The following LRIG1 variants were observed in gnomAD, a reference collection of about 807,000 sequenced individuals.
LRIG1 encodes leucine rich repeats and immunoglobulin like domains 1.
A neutral mutation model predicts 99.2 loss-of-function variants in LRIG1; 48 were observed. The observed-to-expected ratio is 0.48, with a 90% confidence interval of 0.38 to 0.62. LRIG1 has a LOEUF of 0.62. Among genes scored for constraint, LRIG1 ranks in the 20% least tolerant of loss-of-function variants. LRIG1 has a pLI of 0.00. For missense variants in LRIG1, 1,646 were observed against 1,434.4 expected (o/e 1.15, Z -2.38); for synonymous variants, 772 against 596.1 (o/e 1.29, Z -4.30).
At chr3:66,420,385 C>G (rs1226647560) in intron 3 of LRIG1, among the ~76,000 whole-genome samples, 1 of 152,122 alleles carries the variant, frequency 6.6e-6, no homozygotes, top group Non-Finnish European at 1.5e-5. Context: ...CGGTGGTGCA[C>G]CTGCAGAAGA....
At chr3:66,494,901 T>C (rs912780671) in intron 1 of LRIG1, among the ~76,000 whole-genome samples, 5 of 152,248 alleles carry the variant, frequency 3.3e-5, no homozygotes, top group African/African-American at 9.6e-5. Context: ...ATTGGACAAT[T>C]AATTGGTCAG....
chr3:66,408,248 T>G (rs1038706280), intron 7 of LRIG1, among the ~76,000 whole-genome samples: 3 of 152,192 alleles, frequency 2.0e-5, no homozygotes, highest in African/African-American at 7.2e-5. Flanking sequence ...ATTAATGAGC[T>G]TTTAAAGGCA....
At chr3:66,444,401 T>C (rs1381410182) in intron 3 of LRIG1, among the ~76,000 whole-genome samples, 1 of 152,186 alleles carries the variant, frequency 6.6e-6, no homozygotes, top group African/African-American at 2.4e-5. Flanking sequence ...TCAGAAGCCA[T>C]TACCAGGGCC....
At chr3:66,488,453 CCT>C (rs1273962312) in intron 1 of LRIG1, among the ~76,000 whole-genome samples, 2 of 148,754 alleles carry the variant, frequency 1.3e-5, no homozygotes, top group South Asian at 4.3e-4. Context: ...ATGGTAAAAC[CCT>C]GTCTCTACTA....
At chr3:66,480,139 AT>A (rs1193782722) in intron 1 of LRIG1, among the ~76,000 whole-genome samples, 1 of 152,242 alleles carries the variant, frequency 6.6e-6, no homozygotes, top group African/African-American at 2.4e-5. Flanking sequence ...ATAAAAATTA[AT>A]GAAGTACTGA....
intron 3 of LRIG1, among the ~76,000 whole-genome samples, chr3:66,433,253 A>C (rs1288217463): frequency 6.6e-6 from 1 of 152,200 alleles, no homozygotes; most frequent in Non-Finnish European, 1.5e-5. Context: ...CCAGCTAACC[A>C]AGATGCAAGC....
At chr3:66,404,328 G>A in intron 9 of LRIG1, 1 of 1,287,718 alleles carries the variant, frequency 7.8e-7, no homozygotes, top group Non-Finnish European at 1.0e-6. Flanking sequence ...CTGGGGACGG[G>A]CTGGGGGAAT....
chr3:66,451,689 T>C, intron 2 of LRIG1, 56 bp from the exon 3 acceptor site: 1 of 1,288,722 alleles, frequency 7.8e-7, no homozygotes, highest in Non-Finnish European at 1.1e-6. Context: ...TCTGAAATCA[T>C]ACACATACAA....
At chr3:66,486,780 ACT>A (rs1700984688) in intron 1 of LRIG1, among the ~76,000 whole-genome samples, 2 of 152,056 alleles carry the variant, frequency 1.3e-5, no homozygotes, top group African/African-American at 2.4e-5. Flanking sequence ...AGTATTTTAA[ACT>A]CTGACTAGAA....
chr3:66,411,365 A>G (rs148610339), intron 6 of LRIG1, among the ~76,000 whole-genome samples: 33 of 152,312 alleles, frequency 2.2e-4, no homozygotes, highest in African/African-American at 6.0e-4. Context: ...ATCAGTCTCA[A>G]TTTATACAAA....
At chr3:66,432,514 T>C (rs1703206336) in intron 3 of LRIG1, among the ~76,000 whole-genome samples, 1 of 152,188 alleles carries the variant, frequency 6.6e-6, no homozygotes, top group Non-Finnish European at 1.5e-5. Context: ...GGCTTCGCTC[T>C]TAACATCTTC....
chr3:66,467,516 C>T (rs548202124), intron 1 of LRIG1, among the ~76,000 whole-genome samples: 2 of 152,260 alleles, frequency 1.3e-5, no homozygotes, highest in African/African-American at 4.8e-5. Context: ...CCTGCCACCA[C>T]GCCCAGCTAA....
intron 1 of LRIG1, among the ~76,000 whole-genome samples, chr3:66,489,222 A>T (rs1387569205): frequency 6.6e-6 from 1 of 152,100 alleles, no homozygotes; most frequent in Non-Finnish European, 1.5e-5. Flanking sequence ...TGAGAATTTC[A>T]CTCAGAAGTA....
chr3:66,445,100 C>G (rs901607838), intron 3 of LRIG1, among the ~76,000 whole-genome samples: 1 of 151,916 alleles, frequency 6.6e-6, no homozygotes, highest in African/African-American at 2.4e-5. Context: ...CAGCCTGGGC[C>G]TTTTAAAACA....
chr3:66,381,336 C>T (rs1159661520), intron 17 of LRIG1, 143 bp downstream of exon 17: 4 of 697,504 alleles, frequency 5.7e-6, no homozygotes, highest in East Asian at 2.6e-5. Context: ...AGAGCCAGGC[C>T]TGAGCTTCCC....
rs1553710402 is a variant in LRIG1 at position 66,382,223 on chromosome 3, C to T, written c.2617+50G>A. Reference sequence around the variant, plus strand: ...AGACCTGGAGGCCACCTCCAGCACCCAGAGACACAGTCACAGCAGAGCTCT... The same window carrying T: ...AGACCTGGAGGCCACCTCCAGCACCTAGAGACACAGTCACAGCAGAGCTCT... On this transcript the variant is annotated intron_variant, in intron 16 of 18. Coordinates refer to ENST00000273261, the MANE Select transcript of LRIG1 (RefSeq NM_015541.3). The T allele has an allele frequency of 3.9e-5, 63 of 1,607,734 alleles. 1 individual carries two copies. The South Asian group carries it at 6.7e-4, about 17-fold the overall frequency.
chr3:66,430,291 G>A (rs975410135), intron 3 of LRIG1, among the ~76,000 whole-genome samples: 2 of 152,172 alleles, frequency 1.3e-5, no homozygotes, highest in Non-Finnish European at 2.9e-5. Context: ...AAAAAAGGTA[G>A]GGAAGCTGAC....
intron 1 of LRIG1, among the ~76,000 whole-genome samples, chr3:66,480,323 T>C (rs1468746022): frequency 6.6e-6 from 1 of 151,750 alleles, no homozygotes; most frequent in Non-Finnish European, 1.5e-5. Context: ...AGGCAGGGAG[T>C]GCTAATGGGT....
chr3:66,422,357 C>A (rs553305073), intron 3 of LRIG1, among the ~76,000 whole-genome samples: 1 of 152,304 alleles, frequency 6.6e-6, no homozygotes, highest in Admixed American at 6.5e-5. Context: ...TAACAGCACC[C>A]AAGTCACATC....
Sources: allele counts gnomAD v4.1 joint callset (sites outside exome capture counted in the v4.1 genomes callset), GRCh38; gene constraint gnomAD v4.1.1; transcripts MANE v1.5; gene names NCBI Gene and HGNC (gene_info 2026-07-23, HGNC 2026-07-21).